PBX3: variants seen among roughly 807,000 people sequenced by gnomAD.
PBX3 encodes the protein pre-B-cell leukemia transcription factor 3.
Under a neutral mutation model 48.5 loss-of-function variants are expected in PBX3, and 14 were observed. The observed-to-expected ratio is 0.29, with a 90% CI of 0.19 to 0.45. The LOEUF is 0.45. Ranked by LOEUF, PBX3 falls within the 20% of genes least tolerant of loss-of-function variation. The probability of loss-of-function intolerance (pLI) is 1.00; values close to 1 mark genes in which losing one functional copy is unlikely to be tolerated. For missense variants in PBX3, 386 were observed against 546.7 expected (o/e 0.71, Z 2.93); for synonymous variants, 210 against 200.3 (o/e 1.05, Z -0.41).
Position 125,877,281 on chromosome 9 carries a change from A to G in PBX3, c.275-38405A>G, listed in dbSNP as rs371715938. On this transcript the variant is annotated intron_variant, in intron 2 of 8. Coordinates refer to ENST00000373489, the MANE Select transcript of PBX3 (RefSeq NM_006195.6). Reference sequence around the variant, plus strand: ...ATAAAACCTTCCCTACTTAACCATGAAAGAGTCTTTTCTCATCATAAAATA... The same window carrying G: ...ATAAAACCTTCCCTACTTAACCATGGAAGAGTCTTTTCTCATCATAAAATA... Among the ~76,000 whole-genome samples the G allele has an allele frequency of 4.6e-5, 7 of 152,360 alleles. 1 individual carries two copies. The highest frequency in any genetic ancestry group is 3.9e-4 in the East Asian group (2 of 5,188).
intron 2 of PBX3, among the ~76,000 whole-genome samples, chr9:125,895,300 A>G (rs1840743893): frequency 6.6e-6 from 1 of 152,094 alleles, no homozygotes; most frequent in East Asian, 1.9e-4. Flanking sequence ...AAGAATGTAC[A>G]CATGATAGAG....
intron 2 of PBX3, among the ~76,000 whole-genome samples, chr9:125,776,020 G>T (rs1484182090): frequency 6.6e-6 from 1 of 152,056 alleles, no homozygotes; most frequent in African/African-American, 2.4e-5. Context: ...CTATACATAG[G>T]GTTGTGACAA....
intron 3 of PBX3, among the ~76,000 whole-genome samples, chr9:125,918,552 CTAAATA>C (rs1841385224): frequency 1.3e-5 from 2 of 151,958 alleles, no homozygotes; most frequent in Admixed American, 1.3e-4. Context: ...TAATAACGAT[CTAAATA>C]TATAGTTCCT....
chr9:125,767,975 A>G (rs1339498), intron 2 of PBX3, among the ~76,000 whole-genome samples: 107,335 of 151,876 alleles, frequency 0.71, 38,500 homozygotes, highest in African/African-American at 0.8. Flanking sequence ...GGCCGGTGGG[A>G]CGGGGAGAGG....
At chr9:125,874,872 A>G (rs1840212037) in intron 2 of PBX3, among the ~76,000 whole-genome samples, 2 of 152,332 alleles carry the variant, frequency 1.3e-5, no homozygotes, top group South Asian at 2.1e-4. Context: ...ATGTCTTTCT[A>G]TAAATGTATT....
chr9:125,793,770 A>C (rs984402617), intron 2 of PBX3, among the ~76,000 whole-genome samples: 4 of 152,194 alleles, frequency 2.6e-5, no homozygotes, highest in African/African-American at 4.8e-5. Flanking sequence ...CCATCATTGC[A>C]GTTGGGATAA....
At position 125,880,428 on chromosome 9, in the gene PBX3, A is replaced by G. The variant is rs1840356197; in HGVS notation, c.275-35258A>G. Among the ~76,000 whole-genome samples, 5 of 152,182 alleles carry G rather than the reference A, an allele frequency of 3.3e-5. No individual in the cohort carries two copies. The South Asian group carries it at 1.0e-3, about 32-fold the overall frequency. ...TACTCCTCTCATTACACTTAAGCAA[A>G]ATGGCAAAGGGAGGCTTGATCAGCA... On this transcript the variant is annotated intron_variant, in intron 2 of 8. Coordinates refer to ENST00000373489, the MANE Select transcript of PBX3 (RefSeq NM_006195.6).
At chr9:125,788,699 C>T (rs1254408864) in intron 2 of PBX3, among the ~76,000 whole-genome samples, 1 of 152,004 alleles carries the variant, frequency 6.6e-6, no homozygotes, top group Non-Finnish European at 1.5e-5. Context: ...ACAGTGAAAC[C>T]CCGTCTCTAC....
chr9:125,787,698 G>C (rs1837494017), intron 2 of PBX3, among the ~76,000 whole-genome samples: 1 of 152,158 alleles, frequency 6.6e-6, no homozygotes, highest in South Asian at 2.1e-4. Flanking sequence ...AGGAGTGGCT[G>C]ATAGATGAGA....
chr9:125,780,230 G>A (rs1170191424), intron 2 of PBX3, among the ~76,000 whole-genome samples: 3 of 130,638 alleles, frequency 2.3e-5, no homozygotes, highest in East Asian at 2.8e-4. Context: ...TCGGCTGGCC[G>A]GGCGGGGGGC....
At chr9:125,866,199 T>C (rs187793042) in intron 2 of PBX3, among the ~76,000 whole-genome samples, 1 of 152,316 alleles carries the variant, frequency 6.6e-6, no homozygotes, top group African/African-American at 2.4e-5. Flanking sequence ...CTGAATAGTA[T>C]ATTGTGGATA....
chr9:125,925,441 T>G (rs1353578298), intron 3 of PBX3, among the ~76,000 whole-genome samples: 1 of 151,986 alleles, frequency 6.6e-6, no homozygotes, highest in Non-Finnish European at 1.5e-5. Flanking sequence ...TTTTTTGTCT[T>G]TCTTTGTTTC....
chr9:125,779,091 G>A (rs1837161565), intron 2 of PBX3, among the ~76,000 whole-genome samples: 1 of 132,124 alleles, frequency 7.6e-6, no homozygotes, highest in Non-Finnish European at 1.6e-5. Context: ...CCCACCCCTA[G>A]CCCTTGGTAA....
intron 2 of PBX3, among the ~76,000 whole-genome samples, chr9:125,900,860 T>G (rs531325317): frequency 2.1e-5 from 3 of 140,922 alleles, no homozygotes; most frequent in South Asian, 2.1e-4. Context: ...TGTGGGGGTC[T>G]TCTTCTTTCA....
intron 2 of PBX3, among the ~76,000 whole-genome samples, chr9:125,787,345 A>C (rs564963393): frequency 1.3e-5 from 2 of 152,100 alleles, no homozygotes; most frequent in Non-Finnish European, 2.9e-5. Context: ...CAGGAAAGAT[A>C]ATCTCTTCAG....
chr9:125,868,535 T>C (rs1163924399), intron 2 of PBX3, among the ~76,000 whole-genome samples: 1 of 152,138 alleles, frequency 6.6e-6, no homozygotes, highest in African/African-American at 2.4e-5. Context: ...TCCACAGATA[T>C]GAGAGCTGGC....
chr9:125,950,246 T>C (rs895851437), intron 5 of PBX3, among the ~76,000 whole-genome samples: 24 of 152,182 alleles, frequency 1.6e-4, no homozygotes, highest in Admixed American at 5.2e-4. Flanking sequence ...TGAGCAGTTA[T>C]CAGTCTATCA....
chr9:125,826,507 A>G (rs1188567295), intron 2 of PBX3, among the ~76,000 whole-genome samples: 1 of 152,160 alleles, frequency 6.6e-6, no homozygotes, highest in Non-Finnish European at 1.5e-5. Flanking sequence ...AATACATAAG[A>G]TATATTTCAT....
At chr9:125,957,265 A>G (rs1011195523) in intron 5 of PBX3, among the ~76,000 whole-genome samples, 1 of 152,240 alleles carries the variant, frequency 6.6e-6, no homozygotes, top group African/African-American at 2.4e-5. Flanking sequence ...CTTGCTTGTT[A>G]GTTTAACCTC....
Sources: gnomAD v4.1 joint callset for allele counts (sites outside exome capture counted in the v4.1 genomes callset) on GRCh38, gnomAD v4.1.1 for gene constraint, MANE v1.5 for transcripts, NCBI Gene and HGNC (gene_info 2026-07-23, HGNC 2026-07-21) for gene names.